The following PLEKHA5 variants were observed in gnomAD, a reference collection of about 807,000 sequenced individuals.
PLEKHA5 encodes pleckstrin homology domain containing A5.
A neutral mutation model predicts 181.9 loss-of-function variants in PLEKHA5; 55 were observed. That is an observed-to-expected ratio of 0.30 (90% CI 0.24 to 0.38). The LOEUF (loss-of-function observed/expected upper bound fraction) is 0.38, where lower values mean the gene tolerates loss of function less well. Among genes scored for constraint, PLEKHA5 ranks in the 10% least tolerant of loss-of-function variants. PLEKHA5 has a pLI of 1.00. For missense variants in PLEKHA5, 1,432 were observed against 1,549.5 expected (o/e 0.92, Z 1.27); for synonymous variants, 535 against 529.4 (o/e 1.01, Z -0.15).
intron 23 of PLEKHA5, among the ~76,000 whole-genome samples, chr12:19,346,541 C>T (rs2094343840): frequency 1.3e-5 from 2 of 152,038 alleles, no homozygotes; most frequent in African/African-American, 4.8e-5. Context: ...GAGGCTGAGC[C>T]AGGAGGATCC....
chr12:19,243,439 A>C (rs2063058160), intron 3 of PLEKHA5: 1 of 152,244 alleles, frequency 6.6e-6, no homozygotes, highest in African/African-American at 2.4e-5. Flanking sequence ...GTGACAGCTG[A>C]ATATGTGAGT....
intron 11 of PLEKHA5, 55 bp from the exon 12 acceptor site, chr12:19,283,225 A>C (rs1592315852): frequency 2.8e-6 from 3 of 1,056,316 alleles, no homozygotes; most frequent in Non-Finnish European, 4.1e-6. Context: ...TCTAATTTAG[A>C]ATTTGGAAAA....
At chr12:19,210,136 T>G (rs1383922380) in intron 3 of PLEKHA5, among the ~76,000 whole-genome samples, 1 of 152,206 alleles carries the variant, frequency 6.6e-6, no homozygotes, top group Non-Finnish European at 1.5e-5. Flanking sequence ...TATTTAGGGA[T>G]GGACTAAATG....
intron 3 of PLEKHA5, among the ~76,000 whole-genome samples, chr12:19,215,461 T>C (rs913011991): frequency 1.3e-5 from 2 of 152,096 alleles, no homozygotes; most frequent in African/African-American, 4.8e-5. Context: ...TAACATTTTA[T>C]CCTCATGTGT....
chr12:19,142,879 T>A (rs927878885), intron 3 of PLEKHA5, among the ~76,000 whole-genome samples: 1 of 152,224 alleles, frequency 6.6e-6, no homozygotes, highest in Non-Finnish European at 1.5e-5. Context: ...ACATTTAAGA[T>A]CATGCAGTAT....
chr12:19,200,337 C>T (rs1187328907), intron 3 of PLEKHA5: 1 of 1,529,590 alleles, frequency 6.5e-7, no homozygotes, highest in South Asian at 1.2e-5. Flanking sequence ...GAATAGATTT[C>T]CTTTTCATTC....
chr12:19,281,253 A>G (rs1226952489), intron 11 of PLEKHA5, among the ~76,000 whole-genome samples: 1 of 151,130 alleles, frequency 6.6e-6, no homozygotes, highest in Non-Finnish European at 1.5e-5. Context: ...GTATGTTTGT[A>G]TTTAGAATTT....
At chr12:19,324,146 T>G (rs2091562486) in intron 20 of PLEKHA5, among the ~76,000 whole-genome samples, 1 of 152,186 alleles carries the variant, frequency 6.6e-6, no homozygotes. Context: ...ACAGTATAGC[T>G]TAATTTAGAG....
chr12:19,259,398 G>A (rs887958290), intron 6 of PLEKHA5, among the ~76,000 whole-genome samples: 3 of 151,820 alleles, frequency 2.0e-5, no homozygotes, highest in African/African-American at 7.3e-5. Context: ...TGTAATATGT[G>A]TGTGACACAT....
At chr12:19,170,506 A>T (rs1591909064) in intron 3 of PLEKHA5, among the ~76,000 whole-genome samples, 2 of 151,602 alleles carry the variant, frequency 1.3e-5, no homozygotes, top group Admixed American at 6.6e-5. Flanking sequence ...CACTCCTGCA[A>T]CCTCTGCCTC....
intron 3 of PLEKHA5, among the ~76,000 whole-genome samples, chr12:19,170,428 CTTTT>C (rs58933149): frequency 1.4e-5 from 2 of 139,932 alleles, no homozygotes; most frequent in Non-Finnish European, 3.2e-5. Flanking sequence ...ATTCAGAAGA[CTTTT>C]TTTTTTTTTT....
At chr12:19,141,673 T>G (rs938238827) in intron 3 of PLEKHA5, among the ~76,000 whole-genome samples, 16 of 152,082 alleles carry the variant, frequency 1.1e-4, no homozygotes, top group African/African-American at 3.9e-4. Context: ...GAAGAGAAAG[T>G]GCTGAATTTT....
intron 3 of PLEKHA5, among the ~76,000 whole-genome samples, chr12:19,140,851 C>T (rs924532315): frequency 6.6e-6 from 1 of 152,194 alleles, no homozygotes; most frequent in African/African-American, 2.4e-5. Context: ...TACAGTGACT[C>T]AGTCTCGGTT....
At chr12:19,354,308 C>T (rs1420247598) in intron 26 of PLEKHA5, among the ~76,000 whole-genome samples, 9 of 148,202 alleles carry the variant, frequency 6.1e-5, no homozygotes, top group South Asian at 4.3e-4. Context: ...CCCGCCACCA[C>T]GCCCGGCTAA....
At chr12:19,269,572 G>A (rs1458074236) in intron 8 of PLEKHA5, among the ~76,000 whole-genome samples, 198 bp from the exon 9 acceptor site, 1 of 151,354 alleles carries the variant, frequency 6.6e-6, no homozygotes, top group African/African-American at 2.4e-5. Flanking sequence ...GTAAAATTAA[G>A]GGGGAAATTA....
At chr12:19,290,924 A>G in intron 14 of PLEKHA5, 128 bp downstream of exon 14, 4 of 753,006 alleles carry the variant, frequency 5.3e-6, no homozygotes, top group Non-Finnish European at 7.8e-6. Context: ...TGACAACATT[A>G]GAATCTCCTA....
intron 3 of PLEKHA5, among the ~76,000 whole-genome samples, chr12:19,181,153 C>T (rs1190997209): frequency 6.6e-6 from 1 of 151,830 alleles, no homozygotes; most frequent in African/African-American, 2.4e-5. Context: ...CTAGGTATAA[C>T]GAAATGGAAG....
chr12:19,306,437 A>C (rs1565594962), intron 15 of PLEKHA5: 2 of 591,778 alleles, frequency 3.4e-6, no homozygotes, highest in Non-Finnish European at 6.4e-6. Context: ...CTGGAGCAGC[A>C]GAGGCTGTAG....
At chr12:19,181,194 T>A (rs2048478756) in intron 3 of PLEKHA5, among the ~76,000 whole-genome samples, 1 of 152,188 alleles carries the variant, frequency 6.6e-6, no homozygotes, top group African/African-American at 2.4e-5. Context: ...CACAGACCAG[T>A]ACTGGTATGA....
Sources: allele counts gnomAD v4.1 joint callset (sites outside exome capture counted in the v4.1 genomes callset), GRCh38; gene constraint gnomAD v4.1.1; transcripts MANE v1.5; gene names NCBI Gene and HGNC (gene_info 2026-07-23, HGNC 2026-07-21).